The following SSH2 variants were observed in gnomAD, a reference collection of about 807,000 sequenced individuals.
The protein encoded by SSH2 is slingshot protein phosphatase 2, also known as protein phosphatase Slingshot homolog 2.
Under a neutral mutation model 135.2 loss-of-function variants are expected in SSH2, and 37 were observed. The observed-to-expected ratio is 0.27, with a 90% CI of 0.21 to 0.36. SSH2 has a LOEUF of 0.36. SSH2 is among the 10% of genes least tolerant of loss of function. The pLI, the probability that SSH2 is intolerant of heterozygous loss-of-function variation, is 1.00. For missense variants in SSH2, 1,408 were observed against 1,765.3 expected (o/e 0.80, Z 3.63); for synonymous variants, 628 against 646.2 (o/e 0.97, Z 0.43).
At position 29,829,262 on chromosome 17, in the gene SSH2, C is replaced by T. The variant is rs143660582; in HGVS notation, c.144+19587G>A. ...TAATCCTCCCTCCAAGGTAGGTATACTATTTATCATTTCCATTCCTTGGAT... is the reference window on the plus strand; with the variant it reads ...TAATCCTCCCTCCAAGGTAGGTATATTATTTATCATTTCCATTCCTTGGAT... On this transcript the variant is annotated intron_variant, in intron 2 of 15. Transcript: ENST00000540801. Among the ~76,000 whole-genome samples, 693 of 152,298 alleles carry T rather than the reference C, an allele frequency of 4.6e-3. 8 individuals carry two copies. The highest frequency in any genetic ancestry group is 0.016 in the African/African-American group (655 of 41,566).
chr17:29,682,628 AAGAAG>A lies in SSH2; in HGVS notation c.479+1930_479+1934del, dbSNP rs2038033643. Reference sequence around the variant, plus strand: ...GTTCTTCACAAAAAGGAAAAAAGAAAAGAAGAGAAGAGAAAAGGAAGGAAGATGAA... The same window carrying A: ...GTTCTTCACAAAAAGGAAAAAAGAAAAGAAGAGAAAAGGAAGGAAGATGAA... On this transcript the variant is annotated intron_variant, in intron 6 of 15. Coordinates refer to ENST00000540801, the MANE Select transcript of SSH2 (RefSeq NM_001282129.2). 5.3e-5 allele frequency among the ~76,000 whole-genome samples: 8 copies of A among 152,142 alleles called. No individual in the cohort carries two copies. In the South Asian group the frequency reaches 1.5e-3, roughly 28 times the overall value.
chr17:29,804,114 T>G (rs1392950024), intron 2 of SSH2, among the ~76,000 whole-genome samples: 2 of 152,220 alleles, frequency 1.3e-5, no homozygotes, highest in Non-Finnish European at 2.9e-5. Context: ...TAATCATATT[T>G]TATAGAGATA....
intron 3 of SSH2, among the ~76,000 whole-genome samples, chr17:29,742,295 A>C (rs997861450): frequency 2.7e-5 from 4 of 150,088 alleles, no homozygotes; most frequent in Non-Finnish European, 5.9e-5. Flanking sequence ...CAAAAAAAAA[A>C]TCACTCACCC....
chr17:29,743,431 C>T lies in SSH2; in HGVS notation c.189-40369G>A, dbSNP rs538300958. On this transcript the variant is annotated intron_variant, in intron 3 of 15. Coordinates refer to ENST00000540801, the MANE Select transcript of SSH2 (RefSeq NM_001282129.2). ...AGATTTGTTTTTTTTTTAAGCATAA[C>T]GAACTTTTTCATTATGACACTATCA... is the stretch of plus-strand genomic sequence containing the variant. Among the ~76,000 whole-genome samples, 34 of 150,938 alleles carry T rather than the reference C, an allele frequency of 2.3e-4. 1 individual carries two copies. Among genetic ancestry groups the T allele is most frequent in the African/African-American group, 6.8e-4 (28 of 41,124 alleles).
chr17:29,745,103 C>T (rs1290348840), intron 3 of SSH2, among the ~76,000 whole-genome samples: 4 of 151,914 alleles, frequency 2.6e-5, no homozygotes, highest in South Asian at 4.1e-4. Context: ...GTAGATACTC[C>T]GGATGCTCTG....
chr17:29,791,520 G>T (rs1282507608), intron 3 of SSH2, among the ~76,000 whole-genome samples: 1 of 152,140 alleles, frequency 6.6e-6, no homozygotes. Context: ...ATGAGTTCAG[G>T]CATGCTTAAT....
At position 29,684,634 on chromosome 17, in the gene SSH2, C is replaced by A. The variant is rs752804734; in HGVS notation, c.408G>T (p.Val136=). ...TGTCTTGTCTACCATTAGTTGAAAC[C>A]ACTACCATATAGCGTGTTCGATTCT... ...TYQNRTRYMV[V]VSTNGRQDTE... The change falls in exon 6 of 16, where the codon GTG becomes GTT. Residue 136 remains valine (V), a synonymous_variant. Coordinates refer to ENST00000540801, the MANE Select transcript of SSH2 (RefSeq NM_001282129.2). 2 of 1,613,508 alleles carry A rather than the reference C, an allele frequency of 1.2e-6. No homozygotes were observed. The highest frequency in any genetic ancestry group is 1.7e-6 in the Non-Finnish European group (2 of 1,179,536).
intron 11 of SSH2, 94 bp from the exon 12 acceptor site, chr17:29,655,701 G>A: frequency 8.8e-7 from 1 of 1,139,910 alleles, no homozygotes; most frequent in East Asian, 2.4e-5. Flanking sequence ...TCAAAAAGAA[G>A]ACTAATAACA....
chr17:29,861,239 A>G (rs559634582), intron 1 of SSH2, among the ~76,000 whole-genome samples: 1 of 152,236 alleles, frequency 6.6e-6, no homozygotes, highest in South Asian at 2.1e-4. Flanking sequence ...ATTAGAGTCA[A>G]CTAGTCAACT....
At chr17:29,726,691 G>A (rs755060837) in intron 3 of SSH2, among the ~76,000 whole-genome samples, 2 of 152,188 alleles carry the variant, frequency 1.3e-5, no homozygotes, top group South Asian at 4.1e-4. Context: ...GTTTTGATAT[G>A]TGAAAATCCC....
At chr17:29,847,299 C>T (rs2043148463) in intron 2 of SSH2, among the ~76,000 whole-genome samples, 1 of 152,162 alleles carries the variant, frequency 6.6e-6, no homozygotes, top group African/African-American at 2.4e-5. Context: ...CAGGTTGTCA[C>T]CAAGTCTTCA....
chr17:29,724,639 G>A (rs1371217334), intron 3 of SSH2, among the ~76,000 whole-genome samples: 1 of 142,476 alleles, frequency 7.0e-6, no homozygotes, highest in Non-Finnish European at 1.5e-5. Context: ...GCCCAGGCTG[G>A]AGTGCAGTGG....
At chr17:29,780,898 C>T (rs891205128) in intron 3 of SSH2, among the ~76,000 whole-genome samples, 12 of 151,958 alleles carry the variant, frequency 7.9e-5, no homozygotes, top group Admixed American at 4.6e-4. Context: ...CTGCAAACTC[C>T]GCCTCCCGGT....
chr17:29,698,467 A>C (rs766263066), intron 4 of SSH2, among the ~76,000 whole-genome samples: 2 of 152,148 alleles, frequency 1.3e-5, no homozygotes, highest in Non-Finnish European at 2.9e-5. Flanking sequence ...CAACTGAGTT[A>C]AGCAACTGAG....
chr17:29,697,447 C>T (rs1211928585), intron 4 of SSH2, among the ~76,000 whole-genome samples: 9 of 152,052 alleles, frequency 5.9e-5, no homozygotes, highest in African/African-American at 1.4e-4. Context: ...GGTTGGCAAA[C>T]GGGTTGGTGC....
At chr17:29,824,933 A>G (rs1184435548) in intron 2 of SSH2, among the ~76,000 whole-genome samples, 1 of 152,166 alleles carries the variant, frequency 6.6e-6, no homozygotes, top group Non-Finnish European at 1.5e-5. Flanking sequence ...AAAATGTACA[A>G]CTAGAGTTAT....
intron 3 of SSH2, among the ~76,000 whole-genome samples, chr17:29,724,386 G>T (rs2151173295): frequency 6.6e-6 from 1 of 151,850 alleles, no homozygotes. Context: ...AAATTAGCCG[G>T]GCGTGGTGGC....
At chr17:29,833,562 AG>A (rs2042884801) in intron 2 of SSH2, among the ~76,000 whole-genome samples, 1 of 151,986 alleles carries the variant, frequency 6.6e-6, no homozygotes, top group Non-Finnish European at 1.5e-5. Flanking sequence ...TTGATTGCAG[AG>A]TTTAGTCCAT....
At chr17:29,635,075 TG>T (rs2035842982) in intron 15 of SSH2, among the ~76,000 whole-genome samples, 1 of 152,022 alleles carries the variant, frequency 6.6e-6, no homozygotes, top group Non-Finnish European at 1.5e-5. Flanking sequence ...AGCTAATTTT[TG>T]TATTTTTTGT....
Sources: gnomAD v4.1 joint callset for allele counts (sites outside exome capture counted in the v4.1 genomes callset) on GRCh38, gnomAD v4.1.1 for gene constraint, MANE v1.5 for transcripts, NCBI Gene and HGNC (gene_info 2026-07-23, HGNC 2026-07-21) for gene names.